Variants in STIM2 observed in about 807,000 individuals in gnomAD.
STIM2 encodes the protein stromal interaction molecule 2.
In STIM2, 31 loss-of-function variants were observed where a neutral mutation model predicts 85.8. That is an observed-to-expected ratio of 0.36 (90% confidence interval 0.27 to 0.49). STIM2 has a LOEUF of 0.49. Ranked by LOEUF, STIM2 falls within the 20% of genes least tolerant of loss-of-function variation. STIM2 has a pLI of 0.98. For synonymous variants in STIM2, 356 were observed against 331.1 expected, an observed-to-expected ratio of 1.08 and a Z score of -0.82; for missense variants, 841 against 927.6, an observed-to-expected ratio of 0.91 and a Z score of 1.21.
At chr4:26,943,150 T>C (rs562755157) in intron 2 of STIM2, among the ~76,000 whole-genome samples, 3 of 152,070 alleles carry the variant, frequency 2.0e-5, no homozygotes, top group African/African-American at 7.2e-5. Flanking sequence ...AATTTATTAA[T>C]GGTTGAAAAA....
intron 3 of STIM2, among the ~76,000 whole-genome samples, chr4:26,975,358 T>A (rs1727143284): frequency 6.6e-6 from 1 of 152,234 alleles, no homozygotes; most frequent in Admixed American, 6.5e-5. Context: ...CTGCTCTGGT[T>A]TTTCCCCATC....
At chr4:27,014,041 G>T (rs1728648638) in intron 10 of STIM2, among the ~76,000 whole-genome samples, 1 of 151,794 alleles carries the variant, frequency 6.6e-6, no homozygotes, top group African/African-American at 2.4e-5. Context: ...TGTTTTATAT[G>T]ATGTAAAAAA....
intron 3 of STIM2, among the ~76,000 whole-genome samples, chr4:26,964,013 C>T (rs921484461): frequency 5.9e-5 from 9 of 152,146 alleles, no homozygotes; most frequent in African/African-American, 2.2e-4. Flanking sequence ...AAGTGATGAA[C>T]AGATATCTAT....
At chr4:26,910,651 G>A (rs1292573249) in intron 1 of STIM2, among the ~76,000 whole-genome samples, 1 of 152,216 alleles carries the variant, frequency 6.6e-6, no homozygotes, top group Non-Finnish European at 1.5e-5. Flanking sequence ...TACACTGAAG[G>A]AGCATATTGG....
chr4:27,002,639 G>A (rs1357740709), intron 6 of STIM2, among the ~76,000 whole-genome samples: 1 of 152,184 alleles, frequency 6.6e-6, no homozygotes, highest in East Asian at 1.9e-4. Flanking sequence ...AATTAGATGT[G>A]TAGTTAAATT....
At chr4:27,014,905 G>A (rs1728685332) in intron 10 of STIM2, among the ~76,000 whole-genome samples, 1 of 151,876 alleles carries the variant, frequency 6.6e-6, no homozygotes, top group Non-Finnish European at 1.5e-5. Flanking sequence ...TCCTTTTATA[G>A]TTATGTGGAC....
chr4:26,956,509 T>C (rs1726245288), intron 2 of STIM2, among the ~76,000 whole-genome samples: 1 of 151,144 alleles, frequency 6.6e-6, no homozygotes. Context: ...AGTGGTGCAA[T>C]CATAGCTCAC....
intron 1 of STIM2, among the ~76,000 whole-genome samples, chr4:26,911,110 G>A (rs934205687): frequency 4.1e-4 from 63 of 152,032 alleles, no homozygotes; most frequent in African/African-American, 1.4e-3. Flanking sequence ...GGTGGTGGGC[G>A]CCTGTAGTCC....
rs540353153 is a variant in STIM2, at chr4:27,022,600, G to A, written c.1845G>A (p.Glu615=). 1.2e-6 allele frequency: 2 copies of A among 1,613,960 alleles called. No homozygotes were observed. Among genetic ancestry groups the A allele is most frequent in the East Asian group, 4.5e-5 (2 of 44,886 alleles). The change falls in exon 12 of 12, where the codon GAG becomes GAA. Residue 615 remains glutamate, a synonymous_variant. Coordinates refer to ENST00000467087, the MANE Select transcript of STIM2 (RefSeq NM_020860.4). ...AACAGTCTCCTCCTTTAAGCCTCGA[G>A]ATATACCAAACATTATCTCCGCGAA...
chr4:26,891,866 G>C (rs1381453027), intron 1 of STIM2, among the ~76,000 whole-genome samples: 2 of 152,130 alleles, frequency 1.3e-5, no homozygotes, highest in African/African-American at 4.8e-5. Flanking sequence ...AGGTGATGTG[G>C]GTTGGCTCTG....
At chr4:26,971,195 C>A (rs550288059) in intron 3 of STIM2, among the ~76,000 whole-genome samples, 7 of 152,180 alleles carry the variant, frequency 4.6e-5, no homozygotes, top group African/African-American at 1.7e-4. Context: ...TTGTAGGTTA[C>A]CTGTTCACTG....
chr4:26,970,129 G>A (rs1447563231), intron 3 of STIM2, among the ~76,000 whole-genome samples: 2 of 149,616 alleles, frequency 1.3e-5, no homozygotes, highest in Non-Finnish European at 3.0e-5. Flanking sequence ...TTACTGGAGT[G>A]TAGTTAGATT....
chr4:26,913,653 C>T (rs1057395734), intron 1 of STIM2, among the ~76,000 whole-genome samples: 15 of 152,148 alleles, frequency 9.9e-5, no homozygotes, highest in African/African-American at 3.6e-4. Flanking sequence ...TCTAATCAGC[C>T]AAATTATTTC....
chr4:26,947,383 T>C (rs1321560297), intron 2 of STIM2, among the ~76,000 whole-genome samples: 1 of 152,218 alleles, frequency 6.6e-6, no homozygotes, highest in Admixed American at 6.5e-5. Flanking sequence ...GTATTACATT[T>C]TATTTTTCAA....
chr4:26,892,439 C>T (rs916397327), intron 1 of STIM2, among the ~76,000 whole-genome samples: 11 of 152,096 alleles, frequency 7.2e-5, no homozygotes, highest in Admixed American at 6.5e-4. Flanking sequence ...CTATTCAAGA[C>T]GGCGCCACCC....
At position 26,861,921 on chromosome 4, in the gene STIM2, C is replaced by G. The variant is rs541933866; in HGVS notation, c.151+552C>G. Reference sequence around the variant, plus strand: ...GTTCCGTGTTAGTATGCAGAAATGCCTAAGTTTACAGTGCATTTTTTGCGG... The same window carrying G: ...GTTCCGTGTTAGTATGCAGAAATGCGTAAGTTTACAGTGCATTTTTTGCGG... On this transcript the variant is annotated intron_variant, in intron 1 of 11. Coordinates refer to ENST00000467087, the MANE Select transcript of STIM2 (RefSeq NM_020860.4). 4.4e-3 allele frequency among the ~76,000 whole-genome samples: 664 copies of G among 152,108 alleles called. 8 individuals are homozygous for G. The highest frequency in any genetic ancestry group is 0.016 in the African/African-American group (644 of 41,474).
intron 1 of STIM2, among the ~76,000 whole-genome samples, chr4:26,876,112 T>C (rs1722807782): frequency 6.6e-6 from 1 of 152,048 alleles, no homozygotes; most frequent in African/African-American, 2.4e-5. Context: ...GTCTTGGGGG[T>C]CCACACAGTC....
chr4:26,887,904 A>T (rs1003628405), intron 1 of STIM2, among the ~76,000 whole-genome samples: 9 of 152,224 alleles, frequency 5.9e-5, no homozygotes, highest in Non-Finnish European at 1.2e-4. Context: ...AATTGAAAAG[A>T]TCCAAATCCA....
At chr4:26,861,787 G>A (rs754446938) in intron 1 of STIM2, 2 of 152,664 alleles carry the variant, frequency 1.3e-5, no homozygotes, top group African/African-American at 2.4e-5. Flanking sequence ...TTTTGCAAAG[G>A]CAGCTGGCAG....
Sources: gnomAD v4.1 joint callset for allele counts (sites outside exome capture counted in the v4.1 genomes callset) on GRCh38, gnomAD v4.1.1 for gene constraint, MANE v1.5 for transcripts, NCBI Gene and HGNC (gene_info 2026-07-23, HGNC 2026-07-21) for gene names.